JMJD1C: variants seen among roughly 807,000 people sequenced by gnomAD.
JMJD1C encodes the protein jumonji domain-containing protein 1C.
A neutral mutation model predicts 245.3 loss-of-function variants in JMJD1C; 31 were observed. The ratio of observed to expected loss-of-function variants is 0.13; its 90% CI spans 0.09 to 0.17. JMJD1C has a LOEUF of 0.17. JMJD1C is among the 10% of genes least tolerant of loss of function. JMJD1C has a pLI of 1.00. For synonymous variants in JMJD1C, 1,057 were observed against 1,017.4 expected (o/e 1.04, Z -0.74); for missense variants, 2,691 against 3,000.2 (o/e 0.90, Z 2.41).
At chr10:63,261,967 C>A (rs116985663) in intron 3 of JMJD1C, among the ~76,000 whole-genome samples, 22 of 152,122 alleles carry the variant, frequency 1.4e-4, no homozygotes, top group Admixed American at 2.6e-4. Flanking sequence ...TACACAAAGG[C>A]CATTTCCAAA....
rs1847802823 is a variant in JMJD1C, at chr10:63,214,903, C to A, written c.1264G>T (p.Ala422Ser). 6.2e-7 allele frequency: 1 copy of A among 1,612,826 alleles called. No homozygotes were observed. Among genetic ancestry groups the A allele is most frequent in the African/African-American group, 1.3e-5 (1 of 74,842 alleles). ...EEGKPHNNEK[A>S]GEETLKNSQP... ...CTATTTTTTAGGGTCTCTTCTCCTG[C>A]CTTCTCATTATTATGGGGTTTTCCT... Residue 422 changes from alanine (A) to serine (S), a missense_variant, in exon 8 of 26, where the codon GCA becomes TCA. By Grantham distance (99) the Ala-to-Ser change is moderately conservative (BLOSUM62 1). Coordinates refer to ENST00000399262, the MANE Select transcript of JMJD1C (RefSeq NM_032776.3).
At chr10:63,222,235 GC>G (rs1848681954) in intron 3 of JMJD1C, 1 of 783,494 alleles carries the variant, frequency 1.3e-6, no homozygotes, top group South Asian at 1.3e-5. Context: ...GGGTTCAAAA[GC>G]ATCAAGATGA....
At chr10:63,489,174 C>G (rs956556145) in intron 1 of JMJD1C, among the ~76,000 whole-genome samples, 3 of 152,034 alleles carry the variant, frequency 2.0e-5, no homozygotes, top group Non-Finnish European at 4.4e-5. Flanking sequence ...CTGAGGCAGG[C>G]GGATCACCTG....
Position 63,214,807 on chromosome 10 carries a change from T to A in JMJD1C, c.1360A>T (p.Thr454Ser). ...ATAATCATATCTTCTTGAAGCTGAG[T>A]GTCAACAGACTTCCGCTTCTCTGCT... ...EEAEKRKSVDTQLQEDMIIHS... is the reference protein window; with the variant it reads ...EEAEKRKSVDSQLQEDMIIHS... The change falls in exon 8 of 26, where the codon ACT (threonine) becomes TCT (serine). Residue 454 changes from threonine to serine, a missense_variant. Around this residue, in one of 9 missense-constraint regions of JMJD1C, gnomAD observed 1,562 missense variants for 1,490.7 expected, o/e 1.05. Coordinates refer to ENST00000399262, the MANE Select transcript of JMJD1C (RefSeq NM_032776.3). The A allele has an allele frequency of 1.2e-6, 2 of 1,613,734 alleles. No homozygotes were observed. Among genetic ancestry groups the A allele is most frequent in the Non-Finnish European group, 1.7e-6 (2 of 1,179,792 alleles).
intron 3 of JMJD1C, among the ~76,000 whole-genome samples, chr10:63,220,685 G>A (rs1017685291): frequency 3.9e-5 from 6 of 152,074 alleles, no homozygotes; most frequent in Non-Finnish European, 7.4e-5. Flanking sequence ...ACTGGACTCT[G>A]ATATTCTGTT....
intron 21 of JMJD1C, 152 bp downstream of exon 21, chr10:63,184,456 A>G: frequency 1.7e-6 from 1 of 600,546 alleles, no homozygotes; most frequent in African/African-American, 1.9e-5. Context: ...GTTGACCAGG[A>G]TGGTCTCAAT....
chr10:63,268,628 A>C, intron 2 of JMJD1C: 1 of 864,934 alleles, frequency 1.2e-6, no homozygotes, highest in African/African-American at 1.8e-5. Flanking sequence ...AAATTAAGAC[A>C]AAAGAAAAAG....
chr10:63,415,941 T>TCCCACAACTACACAGCTGAACC (rs1003035198), intron 1 of JMJD1C, among the ~76,000 whole-genome samples: 9 of 152,132 alleles, frequency 5.9e-5, no homozygotes, highest in Admixed American at 4.6e-4. Flanking sequence ...TTTGCTGAAC[T>TCCCACAACTACACAGCTGAACC]CCCACAACTA....
In JMJD1C at chr10:63,465,755, A is replaced by G. The variant is rs1953215016; in HGVS notation, c.-93T>C. ...CGGCCGCTCATGCTGAGGAGAGCGG[A>G]CCGGGACACAGCAGCGGACCCGAAA... On this transcript the variant is annotated 5_prime_UTR_variant, in exon 1 of 26. Transcript: ENST00000399262. 1 of 1,431,344 alleles carries G rather than the reference A, an allele frequency of 7.0e-7. No homozygotes were observed. The highest frequency in any genetic ancestry group is 1.4e-5 in the African/African-American group (1 of 72,140). The allele number at this position is 1,431,344 out of a possible 1,614,324, so 88.7% of individuals were successfully genotyped here.
Position 63,192,942 on chromosome 10 carries a change from T to C in JMJD1C, c.6072A>G (p.Lys2024=), listed in dbSNP as rs1282626982. ...DLAEQKAREE[K]KENKELTLEN... ...TAGATAATCAATTATGTTTACCTTT[T>C]TTTTCCTCTCTGGCTTTTTGCTCTG... The change falls in exon 16 of 26, where the codon AAA becomes AAG. Residue 2024 remains lysine, a synonymous_variant. Coordinates refer to ENST00000399262, the MANE Select transcript of JMJD1C (RefSeq NM_032776.3). The C allele has an allele frequency of 1.2e-6, 2 of 1,612,486 alleles. No homozygotes were observed. The highest frequency in any genetic ancestry group is 1.7e-6 in the Non-Finnish European group (2 of 1,178,532).
chr10:63,390,474 TCAA>T (rs1298880167), intron 1 of JMJD1C, among the ~76,000 whole-genome samples: 3 of 152,124 alleles, frequency 2.0e-5, no homozygotes, highest in Non-Finnish European at 4.4e-5. Context: ...CCACTTCTCC[TCAA>T]ACTAGTCCAA....
intron 1 of JMJD1C, among the ~76,000 whole-genome samples, chr10:63,411,595 G>C (rs1046570982): frequency 6.8e-6 from 1 of 147,628 alleles, no homozygotes; most frequent in African/African-American, 2.5e-5. Context: ...CACCACACTC[G>C]GCCTGATTTT....
chr10:63,394,888 C>T (rs190887918), intron 1 of JMJD1C, among the ~76,000 whole-genome samples: 8 of 147,148 alleles, frequency 5.4e-5, no homozygotes, highest in African/African-American at 2.0e-4. Flanking sequence ...AAATTGGAAA[C>T]GTTTTACTCT....
At chr10:63,296,720 G>C (rs769197346) in intron 2 of JMJD1C, among the ~76,000 whole-genome samples, 11 of 152,106 alleles carry the variant, frequency 7.2e-5, no homozygotes, top group Non-Finnish European at 1.3e-4. Flanking sequence ...TAGTGAGTAG[G>C]CATATTTGCA....
In JMJD1C at chr10:63,452,634, T is replaced by C. The variant is rs984293337; in HGVS notation, c.168+12861A>G. Among the ~76,000 whole-genome samples the C allele has an allele frequency of 2.6e-5, 4 of 152,324 alleles. No individual in the cohort carries two copies. In the East Asian group the frequency reaches 5.8e-4, roughly 22 times the overall value. On this transcript the variant is annotated intron_variant, in intron 1 of 25. Transcript: ENST00000399262. ...ACTTAAATAGATATGCTGATATTCA[T>C]GGCAGCATTATTCACAATAGCCAAA...
intron 2 of JMJD1C, among the ~76,000 whole-genome samples, chr10:63,351,843 G>A (rs1296402086): frequency 6.6e-6 from 1 of 152,118 alleles, no homozygotes; most frequent in Non-Finnish European, 1.5e-5. Flanking sequence ...ACCAGTCCCA[G>A]TATGAATTCA....
chr10:63,256,964 G>C (rs779209051), intron 3 of JMJD1C, among the ~76,000 whole-genome samples: 1 of 152,206 alleles, frequency 6.6e-6, no homozygotes, highest in Non-Finnish European at 1.5e-5. Flanking sequence ...GCCAGGCGCA[G>C]TGGCTTACAC....
chr10:63,263,152 G>C (rs1415926477), intron 3 of JMJD1C, among the ~76,000 whole-genome samples: 2 of 152,114 alleles, frequency 1.3e-5, no homozygotes, highest in Admixed American at 1.3e-4. Flanking sequence ...CCAGGGAAAA[G>C]CTCCAACACC....
intron 1 of JMJD1C, among the ~76,000 whole-genome samples, chr10:63,392,258 T>C (rs1426321839): frequency 6.6e-6 from 1 of 152,038 alleles, no homozygotes; most frequent in Non-Finnish European, 1.5e-5. Flanking sequence ...ACCCAAACTA[T>C]AAAACTACTA....
Sources: gnomAD v4.1 joint callset for allele counts (sites outside exome capture counted in the v4.1 genomes callset) on GRCh38, gnomAD v4.1.1 for gene constraint, gnomAD v4.1.1 regional missense constraint, MANE v1.5 for transcripts, NCBI Gene and HGNC (gene_info 2026-07-23, HGNC 2026-07-21) for gene names.